GML: variants seen among roughly 807,000 people sequenced by gnomAD.
The protein encoded by GML is glycosyl-phosphatidylinositol-anchored molecule-like protein.
GML carries 5 observed loss-of-function variants against 8.2 expected under a neutral mutation model. The observed-to-expected ratio is 0.61, with a 90% CI of 0.32 to 1.28. The LOEUF is 1.28. Ranked by LOEUF, GML falls within the 50% of genes most tolerant of loss-of-function variation. The pLI is 0.06. For synonymous variants in GML, 72 were observed against 69.0 expected (o/e 1.04, Z -0.22); for missense variants, 191 against 198.3 (o/e 0.96, Z 0.22).
chr8:142,836,809 G>C (rs1816347651), intron 1 of GML, among the ~76,000 whole-genome samples: 1 of 152,016 alleles, frequency 6.6e-6, no homozygotes, highest in South Asian at 2.1e-4. Context: ...AGCCGGCCCT[G>C]TCTCTAACCC....
At position 142,846,782 on chromosome 8, in the gene GML, C is replaced by A; in HGVS notation, c.*92C>A. 2.2e-6 allele frequency: 2 copies of A among 914,052 alleles called. No individual in the cohort carries two copies. Among genetic ancestry groups the A allele is most frequent in the Non-Finnish European group, 3.4e-6 (2 of 588,756 alleles). The allele number at this position is 914,052 out of a possible 1,614,324, so 56.6% of individuals were successfully genotyped here. A position where few individuals can be genotyped will look rare whatever the true frequency, so the allele number is the denominator to read the frequency against. On this transcript the variant is annotated 3_prime_UTR_variant, in exon 4 of 4. Coordinates refer to ENST00000220940, the MANE Select transcript of GML (RefSeq NM_002066.3). ...CCCTTCTAAGCCAGAGACCCTTATC[C>A]ACTGCTCCTCTAGGTGGCCCATTTA... is the stretch of plus-strand genomic sequence containing the variant.
chr8:142,846,629 TG>T lies in GML; in HGVS notation c.421del (p.Val141TyrfsTer6). Reference protein sequence around the residue: ...EEELPEGTVRLGVSKLLLSFA... With the variant: ...EEELPEGTVRXGVSKLLLSFA... The stretch of plus-strand genomic sequence containing the variant: ...GAGCTTCCAGAAGGAACTGTGAGGC[TG>T]GGGGTATCAAAACTGTTGCTGAGTT... On this transcript the variant is annotated frameshift_variant, in exon 4 of 4. Transcript: ENST00000220940. LOFTEE classifies it low-confidence loss of function (END_TRUNC). 6.2e-7 allele frequency: 1 copy of T among 1,614,082 alleles called. No individual in the cohort carries two copies.
chr8:142,843,220 G>A (rs935007709), intron 3 of GML, among the ~76,000 whole-genome samples: 2 of 144,506 alleles, frequency 1.4e-5, no homozygotes, highest in Non-Finnish European at 3.0e-5. Context: ...CAACTTTTCT[G>A]AAAACCTAAA....
chr8:142,839,903 A>G (rs1359976614), intron 1 of GML, among the ~76,000 whole-genome samples: 2 of 152,078 alleles, frequency 1.3e-5, no homozygotes, highest in Admixed American at 6.5e-5. Context: ...TTCTCTCGTA[A>G]TGACACTGAG....
At chr8:142,839,171 CAG>C (rs1816387756) in intron 1 of GML, among the ~76,000 whole-genome samples, 1 of 151,810 alleles carries the variant, frequency 6.6e-6, no homozygotes, top group Admixed American at 6.6e-5. Flanking sequence ...TGCTGGGTCT[CAG>C]GGGAATGGGC....
In GML at chr8:142,844,911, C is replaced by T. The variant is rs1416909542; in HGVS notation, c.182-1484C>T. 2.6e-5 allele frequency among the ~76,000 whole-genome samples: 4 copies of T among 152,194 alleles called. No individual in the cohort carries two copies. The East Asian group carries it at 5.8e-4, about 22-fold the overall frequency. On this transcript the variant is annotated intron_variant, in intron 3 of 3. Transcript: ENST00000220940. ...GCGTATCAAACACTGAGACTCAGCG[C>T]TTCTACTCCTAGGTACATAGCTAAT...
At chr8:142,838,755 G>C (rs4736334) in intron 1 of GML, among the ~76,000 whole-genome samples, 23,941 of 151,914 alleles carry the variant, frequency 0.16, 2,295 homozygotes, top group East Asian at 0.48. Context: ...CTCTCATTTC[G>C]CACTCACCTT....
At chr8:142,836,844 C>T (rs1438426385) in intron 1 of GML, among the ~76,000 whole-genome samples, 2 of 152,192 alleles carry the variant, frequency 1.3e-5, no homozygotes, top group East Asian at 1.9e-4. Flanking sequence ...TTGAGCGGTG[C>T]CCTTCCCCTT....
At chr8:142,841,788 GCC>G (rs967503267) in intron 3 of GML, among the ~76,000 whole-genome samples, 9 of 152,196 alleles carry the variant, frequency 5.9e-5, no homozygotes, top group Non-Finnish European at 1.0e-4. Flanking sequence ...ATGGCCAGAG[GCC>G]CAGTGACCAA....
chr8:142,840,728 A>T (rs1816418892), intron 2 of GML, among the ~76,000 whole-genome samples: 1 of 152,112 alleles, frequency 6.6e-6, no homozygotes, highest in Non-Finnish European at 1.5e-5. Context: ...CCAAGGGGGA[A>T]CCTTGATGTG....
chr8:142,841,470 C>T (rs1353590474), intron 3 of GML, among the ~76,000 whole-genome samples: 4 of 152,208 alleles, frequency 2.6e-5, no homozygotes, highest in Admixed American at 1.3e-4. Flanking sequence ...TGCAGCGTCT[C>T]CAGGGGGTAG....
chr8:142,835,118 C>T (rs1816314585), intron 1 of GML, among the ~76,000 whole-genome samples: 1 of 151,572 alleles, frequency 6.6e-6, no homozygotes, highest in African/African-American at 2.4e-5. Flanking sequence ...GAGACGCCCC[C>T]TGCTCCATTC....
Position 142,843,255 on chromosome 8 carries a change from TACACACACACAC to T in GML, c.181+2063_181+2074del, listed in dbSNP as rs55778635. ...AACTATTTTTAAAATAAAAGGTTCA[TACACACACACAC>T]ACACACACACACACACACACACACA... On this transcript the variant is annotated intron_variant, in intron 3 of 3. Transcript: ENST00000220940. 7.1e-3 allele frequency among the ~76,000 whole-genome samples: 1,000 copies of T among 139,976 alleles called. 3 individuals carry two copies. Among genetic ancestry groups the T allele is most frequent in the African/African-American group, 0.013 (494 of 37,016 alleles). 91.8% of individuals were successfully genotyped at this position (139,976 alleles called of 152,430 possible).
intron 3 of GML, among the ~76,000 whole-genome samples, chr8:142,842,604 G>C (rs1816448578): frequency 6.6e-6 from 1 of 152,240 alleles, no homozygotes; most frequent in East Asian, 1.9e-4. Context: ...CGATGGTTTA[G>C]TGAAGTGAAG....
At chr8:142,838,394 T>G (rs1816372270) in intron 1 of GML, among the ~76,000 whole-genome samples, 1 of 152,212 alleles carries the variant, frequency 6.6e-6, no homozygotes, top group South Asian at 2.1e-4. Flanking sequence ...TTTGTATTTG[T>G]CATTAGTCAA....
chr8:142,840,851 G>A (rs1385576808), intron 2 of GML, among the ~76,000 whole-genome samples: 2 of 152,160 alleles, frequency 1.3e-5, no homozygotes, highest in African/African-American at 4.8e-5. Flanking sequence ...GGTCTGCAGA[G>A]CATAGCAATC....
chr8:142,843,451 A>G (rs1408192142), intron 3 of GML, among the ~76,000 whole-genome samples: 1 of 152,202 alleles, frequency 6.6e-6, no homozygotes, highest in Non-Finnish European at 1.5e-5. Flanking sequence ...ACCCTTTCCA[A>G]ATCTCTGAGG....
chr8:142,836,445 C>G (rs1319109598), intron 1 of GML, among the ~76,000 whole-genome samples: 1 of 152,114 alleles, frequency 6.6e-6, no homozygotes, highest in Non-Finnish European at 1.5e-5. Flanking sequence ...ATTTTTTCAT[C>G]TTTAAAAAAT....
intron 1 of GML, among the ~76,000 whole-genome samples, chr8:142,838,389 AT>A (rs1394185481): frequency 6.6e-6 from 1 of 152,028 alleles, no homozygotes; most frequent in Non-Finnish European, 1.5e-5. Context: ...GCACATTTGT[AT>A]TTGTCATTAG....
Sources: gnomAD v4.1 joint callset for allele counts (sites outside exome capture counted in the v4.1 genomes callset) on GRCh38, gnomAD v4.1.1 for gene constraint, MANE v1.5 for transcripts, NCBI Gene and HGNC (gene_info 2026-07-23, HGNC 2026-07-21) for gene names.